HSPBAP1: variants seen among roughly 807,000 people sequenced by gnomAD.
HSPBAP1 encodes the protein HSPB1 associated protein 1.
HSPBAP1 carries 27 observed loss-of-function variants against 45.2 expected under a neutral mutation model. The ratio of observed to expected loss-of-function variants is 0.60; its 90% confidence interval spans 0.44 to 0.82. HSPBAP1 has a LOEUF of 0.82. Ranked by LOEUF, HSPBAP1 falls within the 40% of genes least tolerant of loss-of-function variation. HSPBAP1 has a pLI of 0.00. For synonymous variants in HSPBAP1, 204 were observed against 202.7 expected (o/e 1.01, Z -0.06); for missense variants, 510 against 590.9 (o/e 0.86, Z 1.42).
intron 6 of HSPBAP1, chr3:122,741,690 T>C (rs150220870): frequency 0.012 from 1,763 of 152,460 alleles, 108 homozygotes; most frequent in Admixed American, 0.1. Context: ...AAAATATTAA[T>C]GTGTAGAATA....
At chr3:122,741,336 CTATCTA>C in intron 6 of HSPBAP1, 1 of 560,050 alleles carries the variant, frequency 1.8e-6, no homozygotes, top group Non-Finnish European at 3.2e-6. Context: ...AGTATGTATT[CTATCTA>C]TAAGTCATGG....
At chr3:122,785,461 CCTTGGCCTGCCT>C (rs1205331501) in intron 1 of HSPBAP1, among the ~76,000 whole-genome samples, 1 of 152,190 alleles carries the variant, frequency 6.6e-6, no homozygotes, top group Admixed American at 6.5e-5. Context: ...TATCTGATCA[CCTTGGCCTGCCT>C]TCAGCAAGAA....
intron 4 of HSPBAP1, chr3:122,758,643 T>C (rs1032472750): frequency 7.1e-5 from 31 of 433,700 alleles, no homozygotes; most frequent in Non-Finnish European, 9.1e-6. Flanking sequence ...AGGCTGGGCA[T>C]AGTGGCTCAC....
At chr3:122,748,723 C>A (rs184186238) in intron 6 of HSPBAP1, among the ~76,000 whole-genome samples, 333 of 152,306 alleles carry the variant, frequency 2.2e-3, no homozygotes, top group South Asian at 7.0e-3. Context: ...TATGACATGG[C>A]AAATCCATTG....
At chr3:122,746,618 T>G (rs1233617311) in intron 6 of HSPBAP1, among the ~76,000 whole-genome samples, 2 of 151,014 alleles carry the variant, frequency 1.3e-5, no homozygotes, top group African/African-American at 4.8e-5. Context: ...TCCTCTCTCC[T>G]CTCTCCTCTC....
chr3:122,793,786 G>A lies in HSPBAP1; in HGVS notation c.-106C>T, dbSNP rs1935917295. On this transcript the variant is annotated 5_prime_UTR_variant, in exon 1 of 8. Coordinates refer to ENST00000306103, the MANE Select transcript of HSPBAP1 (RefSeq NM_024610.6). ...ACCCGAAGCTGCACCACAGGAAGGA[G>A]CCCCGGCGACTCCCGCCCGGCTCCT... 3 of 976,266 alleles carry A rather than the reference G, an allele frequency of 3.1e-6. No homozygotes were observed. Among genetic ancestry groups the A allele is most frequent in the Non-Finnish European group, 4.6e-6 (3 of 647,616 alleles). The allele number at this position is 976,266 out of a possible 1,614,324, so 60.5% of individuals were successfully genotyped here. A position where few individuals can be genotyped will look rare whatever the true frequency, so the allele number is the denominator to read the frequency against.
intron 3 of HSPBAP1, among the ~76,000 whole-genome samples, chr3:122,764,361 A>T (rs1421751484): frequency 6.6e-6 from 1 of 152,128 alleles, no homozygotes; most frequent in East Asian, 1.9e-4. Context: ...TGTGGCTTCT[A>T]GTTAATCAGT....
intron 5 of HSPBAP1, 180 bp downstream of exon 5, chr3:122,755,080 C>T (rs966291139): frequency 8.2e-7 from 1 of 1,224,300 alleles, no homozygotes; most frequent in Non-Finnish European, 1.0e-6. Flanking sequence ...ACCTGTGAAG[C>T]AGAGGTGTAT....
chr3:122,754,397 T>A (rs1934266861), intron 5 of HSPBAP1: 1 of 280,950 alleles, frequency 3.6e-6, no homozygotes, highest in Non-Finnish European at 5.4e-6. Flanking sequence ...GGCCCTGTAT[T>A]ATAATATTGC....
At chr3:122,786,252 G>A (rs570462909) in intron 1 of HSPBAP1, among the ~76,000 whole-genome samples, 1 of 152,250 alleles carries the variant, frequency 6.6e-6, no homozygotes, top group East Asian at 1.9e-4. Flanking sequence ...GGCTTGGGCT[G>A]GATGAATCAT....
At position 122,741,966 on chromosome 3, in the gene HSPBAP1, T is replaced by A. The variant is rs143237185; in HGVS notation, c.826-853A>T. 7.2e-5 allele frequency among the ~76,000 whole-genome samples: 11 copies of A among 152,146 alleles called. No homozygotes were observed. In the East Asian group the frequency reaches 2.1e-3, roughly 29 times the overall value. ...TTTGGAAAACATGGGTGGCATTATC[T>A]CGTAAACTTGAGTATTGTATACCCT... is the stretch of plus-strand genomic sequence containing the variant. On this transcript the variant is annotated intron_variant, in intron 6 of 7. Transcript: ENST00000306103.
intron 1 of HSPBAP1, among the ~76,000 whole-genome samples, chr3:122,779,385 A>C (rs1469655369): frequency 1.3e-5 from 2 of 151,866 alleles, no homozygotes; most frequent in African/African-American, 2.4e-5. Flanking sequence ...GTTCAATCTC[A>C]TAATTCTTAC....
chr3:122,743,573 C>CA (rs893819966), intron 6 of HSPBAP1, among the ~76,000 whole-genome samples: 5 of 144,992 alleles, frequency 3.4e-5, no homozygotes, highest in African/African-American at 7.6e-5. Context: ...TCTCAAACAA[C>CA]AAAAAAAAAA....
intron 2 of HSPBAP1, 130 bp from the exon 3 acceptor site, chr3:122,769,012 C>T: frequency 1.5e-6 from 1 of 667,794 alleles, no homozygotes. Flanking sequence ...TCGTGTTGAG[C>T]CAGGTGTGGT....
intron 5 of HSPBAP1, 89 bp downstream of exon 5, chr3:122,755,171 A>G (rs1934301439): frequency 7.9e-7 from 1 of 1,265,202 alleles, no homozygotes; most frequent in Non-Finnish European, 1.0e-6. Flanking sequence ...TGCACTGCGC[A>G]GGGAGGGGAA....
rs763786705 is a variant in HSPBAP1 at position 122,740,719 on chromosome 3, T to G, written c.1093A>C (p.Met365Leu). 3.2e-5 allele frequency: 51 copies of G among 1,614,030 alleles called. No homozygotes were observed. Among genetic ancestry groups the G allele is most frequent in the Non-Finnish European group, 4.0e-5 (47 of 1,180,046 alleles). ...TGGCTACCTGTTTGGCCCACCTCCATGTGGTTGCACACATTTAATTCTTCC... is the reference window on the plus strand; with the variant it reads ...TGGCTACCTGTTTGGCCCACCTCCAGGTGGTTGCACACATTTAATTCTTCC... ...KKEELNVCNH[M>L]EVGQTGSQNL... Residue 365 changes from methionine (M) to leucine (L), a missense_variant, in exon 8 of 8, where the codon ATG becomes CTG. Coordinates refer to ENST00000306103, the MANE Select transcript of HSPBAP1 (RefSeq NM_024610.6).
chr3:122,752,861 G>T, intron 5 of HSPBAP1, 187 bp from the exon 6 acceptor site: 1 of 1,361,104 alleles, frequency 7.3e-7, no homozygotes. Context: ...CTTTTTTATT[G>T]ACAAGTTCAC....
chr3:122,740,263 G>A lies in HSPBAP1; in HGVS notation c.*82C>T, dbSNP rs534839700. On this transcript the variant is annotated 3_prime_UTR_variant, in exon 8 of 8. Coordinates refer to ENST00000306103, the MANE Select transcript of HSPBAP1 (RefSeq NM_024610.6). ...TTACAAATGTGCAAACTGACCTTTT[G>A]CTGGTTCATCTTTATTTTAGTCATA... 2 of 859,634 alleles carry A rather than the reference G, an allele frequency of 2.3e-6. No individual in the cohort carries two copies. The highest frequency in any genetic ancestry group is 6.7e-5 in the Admixed American group (2 of 29,664). 53.3% of individuals were successfully genotyped at this position (859,634 alleles called of 1,614,324 possible). A position where few individuals can be genotyped will look rare whatever the true frequency, so the allele number is the denominator to read the frequency against.
At chr3:122,778,747 G>A (rs1161530324) in intron 1 of HSPBAP1, among the ~76,000 whole-genome samples, 1 of 152,032 alleles carries the variant, frequency 6.6e-6, no homozygotes, top group African/African-American at 2.4e-5. Flanking sequence ...AGCCAAAATG[G>A]TCTCGATCTC....
Sources: gnomAD v4.1 joint callset for allele counts (sites outside exome capture counted in the v4.1 genomes callset) on GRCh38, gnomAD v4.1.1 for gene constraint, MANE v1.5 for transcripts, NCBI Gene and HGNC (gene_info 2026-07-23, HGNC 2026-07-21) for gene names.